Variants in REDIC1 observed in about 807,000 individuals in gnomAD.
The protein encoded by REDIC1 is regulator of DNA class I crossover intermediates 1, also known as HEI10 Interacting Protein 1.
chr12:39,662,246 A>G, the REDIC1 span, among the ~76,000 whole-genome samples: 731 of 152,174 alleles, frequency 4.8e-3, 1 homozygote, highest in Non-Finnish European at 8.5e-3. Flanking sequence ...TATTTTAACA[A>G]TACTCATTAT....
chr12:39,713,967 A>G, the REDIC1 span, among the ~76,000 whole-genome samples: 2 of 148,276 alleles, frequency 1.3e-5, no homozygotes, highest in East Asian at 2.0e-4. Context: ...ATATACAGGT[A>G]TGTGCATATA....
chr12:39,877,240 T>C, the REDIC1 span, among the ~76,000 whole-genome samples: 1 of 152,144 alleles, frequency 6.6e-6, no homozygotes, highest in Non-Finnish European at 1.5e-5. Context: ...GAGTTCCACA[T>C]GGCTAGGGAG....
chr12:39,803,007 G>A, the REDIC1 span, among the ~76,000 whole-genome samples: 118,541 of 152,040 alleles, frequency 0.78, 46,421 homozygotes, highest in Non-Finnish European at 0.82. Flanking sequence ...TCTTCCATGG[G>A]CCCCTTGGGA....
At chr12:39,712,755 G>T in the REDIC1 span, among the ~76,000 whole-genome samples, 1 of 143,294 alleles carries the variant, frequency 7.0e-6, no homozygotes, top group Non-Finnish European at 1.5e-5. Context: ...GTACACATAT[G>T]TGTATATACG....
At chr12:39,883,451 C>A in the REDIC1 span, among the ~76,000 whole-genome samples, 1 of 152,162 alleles carries the variant, frequency 6.6e-6, no homozygotes, top group Non-Finnish European at 1.5e-5. Flanking sequence ...TTTCTTCCAT[C>A]ATTGATTGTC....
At chr12:39,841,481 A>G in the REDIC1 span, among the ~76,000 whole-genome samples, 2 of 152,110 alleles carry the variant, frequency 1.3e-5, no homozygotes, top group African/African-American at 4.8e-5. Flanking sequence ...ACACTGAATG[A>G]ATGTTTGATC....
At chr12:39,777,958 C>T in the REDIC1 span, among the ~76,000 whole-genome samples, 5 of 152,306 alleles carry the variant, frequency 3.3e-5, no homozygotes, top group African/African-American at 7.2e-5. Context: ...CTGACTAACA[C>T]GAGCTACCTA....
the REDIC1 span, among the ~76,000 whole-genome samples, chr12:39,660,191 T>G: frequency 2.0e-5 from 3 of 152,216 alleles, no homozygotes; most frequent in Non-Finnish European, 4.4e-5. Context: ...TAGTATTTAG[T>G]TGAACACTTG....
At chr12:39,873,903 G>A in the REDIC1 span, among the ~76,000 whole-genome samples, 5 of 152,242 alleles carry the variant, frequency 3.3e-5, no homozygotes, top group East Asian at 7.7e-4. Context: ...TTCTGTCCAG[G>A]TTAGGTAACA....
At chr12:39,655,095 A>G in the REDIC1 span, among the ~76,000 whole-genome samples, 1 of 152,042 alleles carries the variant, frequency 6.6e-6, no homozygotes, top group Non-Finnish European at 1.5e-5. Context: ...TTAATTCTAG[A>G]TATGCATTCT....
At chr12:39,723,376 C>A in the REDIC1 span, among the ~76,000 whole-genome samples, 11 of 152,168 alleles carry the variant, frequency 7.2e-5, no homozygotes, top group Admixed American at 4.6e-4. Flanking sequence ...TATTCCCTAA[C>A]TTCACAGTTG....
the REDIC1 span, among the ~76,000 whole-genome samples, chr12:39,836,405 T>C: frequency 6.6e-6 from 1 of 152,148 alleles, no homozygotes. Context: ...AGCCTTTCTT[T>C]TCAGAAAGGG....
the REDIC1 span, among the ~76,000 whole-genome samples, chr12:39,842,342 G>T: frequency 6.6e-6 from 1 of 151,968 alleles, no homozygotes; most frequent in East Asian, 1.9e-4. Context: ...AGCTTGGAAA[G>T]CTAAGAGACT....
chr12:39,678,092 A>G, the REDIC1 span, among the ~76,000 whole-genome samples: 1 of 146,668 alleles, frequency 6.8e-6, no homozygotes, highest in Admixed American at 6.9e-5. Context: ...TATAAAGATC[A>G]GAGCAGAACT....
chr12:39,849,989 T>C, the REDIC1 span, among the ~76,000 whole-genome samples: 2 of 152,188 alleles, frequency 1.3e-5, no homozygotes, highest in African/African-American at 2.4e-5. Flanking sequence ...CTATGGATTC[T>C]GTGTCTTTCC....
At chr12:39,801,222 T>C in the REDIC1 span, among the ~76,000 whole-genome samples, 1 of 92,054 alleles carries the variant, frequency 1.1e-5, no homozygotes, top group Non-Finnish European at 2.4e-5. Context: ...AATGTGCACA[T>C]GTACCCTAAA....
the REDIC1 span, among the ~76,000 whole-genome samples, chr12:39,690,620 T>G: frequency 0.81 from 120,984 of 149,488 alleles, 48,791 homozygotes; most frequent in Non-Finnish European, 0.87. Flanking sequence ...ATCAAATTAT[T>G]AAGAAAAAAT....
chr12:39,645,927 T>G, the REDIC1 span, among the ~76,000 whole-genome samples: 1 of 151,664 alleles, frequency 6.6e-6, no homozygotes, highest in Non-Finnish European at 1.5e-5. Context: ...TAAGAAGATA[T>G]AAAATCTACA....
chr12:39,831,252 C>T, the REDIC1 span, among the ~76,000 whole-genome samples: 2,418 of 152,166 alleles, frequency 0.016, 62 homozygotes, highest in African/African-American at 0.055. Context: ...TTCATTTTAA[C>T]GATGAGAGCT....
Sources: gnomAD v4.1 joint callset for allele counts (sites outside exome capture counted in the v4.1 genomes callset) on GRCh38, gnomAD v4.1.1 for gene constraint, MANE v1.5 for transcripts, NCBI Gene and HGNC (gene_info 2026-07-23, HGNC 2026-07-21) for gene names.